NECTIN3: variants seen among roughly 807,000 people sequenced by gnomAD.
NECTIN3 encodes the protein nectin cell adhesion molecule 3.
Under a neutral mutation model 49.4 loss-of-function variants are expected in NECTIN3, and 8 were observed. The observed-to-expected ratio is 0.16, with a 90% CI of 0.10 to 0.29. NECTIN3 has a LOEUF of 0.29. NECTIN3 is among the 10% of genes least tolerant of loss of function. NECTIN3 has a pLI of 1.00. For missense variants in NECTIN3, 581 were observed against 654.6 expected (o/e 0.89, Z 1.23); for synonymous variants, 277 against 241.1 (o/e 1.15, Z -1.38).
intron 3 of NECTIN3, among the ~76,000 whole-genome samples, chr3:111,119,436 A>C (rs1311563555): frequency 6.6e-6 from 1 of 152,130 alleles, no homozygotes; most frequent in Non-Finnish European, 1.5e-5. Context: ...GGTTCAAGTG[A>C]TTCTCCTGCC....
At chr3:111,116,214 A>G (rs191253734) in intron 2 of NECTIN3, among the ~76,000 whole-genome samples, 2 of 152,306 alleles carry the variant, frequency 1.3e-5, no homozygotes, top group Non-Finnish European at 2.9e-5. Flanking sequence ...AGAGAGAGTT[A>G]TAAGAAGAAC....
At chr3:111,142,839 G>T (rs2034781962) in intron 5 of NECTIN3, among the ~76,000 whole-genome samples, 1 of 151,656 alleles carries the variant, frequency 6.6e-6, no homozygotes, top group Admixed American at 6.6e-5. Context: ...ATCAAAATAA[G>T]AACAAAAATT....
At chr3:111,141,486 T>A (rs1275379470), downstream of NECTIN3, among the ~76,000 whole-genome samples, 1 of 151,956 alleles carries the variant, frequency 6.6e-6, no homozygotes, top group Non-Finnish European at 1.5e-5. Context: ...ATTTATAATA[T>A]TTTTGTACTT....
At chr3:111,081,100 A>T (rs1488113380) in intron 1 of NECTIN3, among the ~76,000 whole-genome samples, 1 of 152,032 alleles carries the variant, frequency 6.6e-6, no homozygotes, top group Non-Finnish European at 1.5e-5. Context: ...ACATAGTGAG[A>T]CCTCGTCTCT....
chr3:111,121,356 GGAGCTAAAC>G (rs2033945350), intron 3 of NECTIN3, among the ~76,000 whole-genome samples: 1 of 152,100 alleles, frequency 6.6e-6, no homozygotes, highest in African/African-American at 2.4e-5. Context: ...GCACTTATTA[GGAGCTAAAC>G]AGAGTGATGG....
chr3:111,159,680 T>G (rs1307804915), intron 7 of NECTIN3, among the ~76,000 whole-genome samples: 1 of 152,178 alleles, frequency 6.6e-6, no homozygotes, highest in African/African-American at 2.4e-5. Flanking sequence ...TCCTAAAATG[T>G]CATCATCTAG....
At chr3:111,186,043 G>A (rs563445421) in intron 7 of NECTIN3, among the ~76,000 whole-genome samples, 16 of 151,948 alleles carry the variant, frequency 1.1e-4, no homozygotes, top group Admixed American at 3.3e-4. Flanking sequence ...TTATTTATAC[G>A]TTCTTCATAT....
At chr3:111,168,279 G>C (rs910892718) in intron 7 of NECTIN3, among the ~76,000 whole-genome samples, 2 of 152,056 alleles carry the variant, frequency 1.3e-5, no homozygotes, top group African/African-American at 4.8e-5. Context: ...ATTTGAAGTA[G>C]GTTTTTAAAA....
chr3:111,119,069 T>A (rs2033831617), intron 3 of NECTIN3, 117 bp downstream of exon 3: 6 of 984,830 alleles, frequency 6.1e-6, no homozygotes, highest in Admixed American at 6.5e-5. Context: ...ATTTTGTTTG[T>A]TTTCATGGAA....
At chr3:111,103,145 G>A (rs1046224611) in intron 1 of NECTIN3, among the ~76,000 whole-genome samples, 17 of 152,098 alleles carry the variant, frequency 1.1e-4, no homozygotes, top group African/African-American at 1.9e-4. Context: ...TTGTTTCTCC[G>A]TATACATTTG....
intron 3 of NECTIN3, among the ~76,000 whole-genome samples, chr3:111,119,505 T>C (rs1280239381): frequency 6.6e-6 from 1 of 152,208 alleles, no homozygotes; most frequent in East Asian, 1.9e-4. Flanking sequence ...CTAATTTTTG[T>C]ATTTTTAGTA....
At chr3:111,140,533 A>C (rs1204357383), downstream of NECTIN3, among the ~76,000 whole-genome samples, 1 of 151,834 alleles carries the variant, frequency 6.6e-6, no homozygotes, top group African/African-American at 2.4e-5. Context: ...TGCAGGAATG[A>C]TACTATGAAT....
At chr3:111,075,177 T>C (rs2031093963) in intron 1 of NECTIN3, 1 of 152,106 alleles carries the variant, frequency 6.6e-6, no homozygotes, top group Non-Finnish European at 1.5e-5. Context: ...GAAACATGAT[T>C]GTAGAACAGT....
chr3:111,089,433 GTA>G lies in NECTIN3; in HGVS notation c.160+17261_160+17262del, dbSNP rs1479151758. On this transcript the variant is annotated intron_variant, in intron 1 of 5. Coordinates refer to ENST00000485303, the MANE Select transcript of NECTIN3 (RefSeq NM_015480.3). ...TGTGTGTGTGTGTGTGTGTGTGTAT[GTA>G]TATAAACATATACATACACACACAT... Among the ~76,000 whole-genome samples, 32 of 139,422 alleles carry G rather than the reference GTA, an allele frequency of 2.3e-4. No homozygotes were observed. In the South Asian group the frequency reaches 4.4e-3, roughly 19 times the overall value. 91.5% of individuals were successfully genotyped at this position (139,422 alleles called of 152,430 possible).
intron 1 of NECTIN3, among the ~76,000 whole-genome samples, chr3:111,110,494 A>G (rs1184781722): frequency 6.6e-6 from 1 of 151,704 alleles, no homozygotes; most frequent in Non-Finnish European, 1.5e-5. Context: ...TTGGCTGTGT[A>G]GTTTTCTTAA....
intron 1 of NECTIN3, chr3:111,072,566 G>C: frequency 6.5e-7 from 1 of 1,535,666 alleles, no homozygotes; most frequent in Non-Finnish European, 8.7e-7. Flanking sequence ...TGAAACTTGA[G>C]CTGTGAGCCC....
intron 1 of NECTIN3, chr3:111,075,351 C>G (rs1450173653): frequency 6.6e-6 from 1 of 152,084 alleles, no homozygotes; most frequent in African/African-American, 2.4e-5. Context: ...CTCCCTTCCT[C>G]TCTTTCTCTT....
At position 111,112,287 on chromosome 3, in the gene NECTIN3, T is replaced by G; in HGVS notation, c.418T>G (p.Phe140Val). The change falls in exon 2 of 6, where the codon TTC becomes GTC. Residue 140 changes from phenylalanine (F) to valine (V), a missense_variant. Around this residue, in one of 3 missense-constraint regions of NECTIN3, gnomAD observed 234 missense variants for 340.6 expected, o/e 0.69. Coordinates refer to ENST00000485303, the MANE Select transcript of NECTIN3 (RefSeq NM_015480.3). ...AACAATTACTCTGCATAACATAGGA[T>G]TCTCTGATTCTGGAAAATACATCTG... ...DATITLHNIG[F>V]SDSGKYICKA... The G allele has an allele frequency of 6.2e-7, 1 of 1,613,854 alleles. No homozygotes were observed.
intron 1 of NECTIN3, 72 bp from the exon 2 acceptor site, chr3:111,111,958 G>C: frequency 1.1e-6 from 1 of 890,942 alleles, no homozygotes; most frequent in Admixed American, 2.5e-5. Context: ...TACACAGGGG[G>C]TCAGGAAGGG....
Sources: gnomAD v4.1 joint callset for allele counts (sites outside exome capture counted in the v4.1 genomes callset) on GRCh38, gnomAD v4.1.1 for gene constraint, gnomAD v4.1.1 regional missense constraint, MANE v1.5 for transcripts, NCBI Gene and HGNC (gene_info 2026-07-23, HGNC 2026-07-21) for gene names.